COG5: variants seen among roughly 807,000 people sequenced by gnomAD.
COG5 encodes the protein component of oligomeric golgi complex 5, also known as conserved oligomeric Golgi complex subunit 5.
COG5 carries 86 observed loss-of-function variants against 110.4 expected under a neutral mutation model. The ratio of observed to expected loss-of-function variants is 0.78; its 90% CI spans 0.65 to 0.93. The LOEUF (loss-of-function observed/expected upper bound fraction) is 0.93, where lower values mean the gene tolerates loss of function less well. Among genes scored for constraint, COG5 ranks in the 40% least tolerant of loss-of-function variants. The probability of loss-of-function intolerance (pLI) is 0.00; values close to 1 mark genes in which losing one functional copy is unlikely to be tolerated. For synonymous variants in COG5, 360 were observed against 334.6 expected (o/e 1.08, Z -0.83); for missense variants, 1,077 against 987.0 (o/e 1.09, Z -1.22).
At chr7:107,404,652 G>A (rs1368956584) in intron 7 of COG5, among the ~76,000 whole-genome samples, 1 of 152,026 alleles carries the variant, frequency 6.6e-6, no homozygotes, top group East Asian at 1.9e-4. Flanking sequence ...AGCATAAAAT[G>A]TGCACGTTTA....
At chr7:107,543,803 C>A (rs1008592787) in intron 5 of COG5, among the ~76,000 whole-genome samples, 1 of 152,228 alleles carries the variant, frequency 6.6e-6, no homozygotes, top group East Asian at 1.9e-4. Context: ...GCCCCTGTGG[C>A]CCCACACTCC....
intron 19 of COG5, among the ~76,000 whole-genome samples, chr7:107,228,254 T>C (rs990649895): frequency 7.1e-6 from 1 of 139,914 alleles, no homozygotes; most frequent in African/African-American, 2.7e-5. Flanking sequence ...TAAGCTGAGA[T>C]GGAGATCGCA....
chr7:107,326,025 T>C lies in COG5; in HGVS notation c.1027-1504A>G, dbSNP rs117514315. 4.7e-3 allele frequency among the ~76,000 whole-genome samples: 721 copies of C among 152,314 alleles called. 7 individuals carry two copies. Among genetic ancestry groups the C allele is most frequent in the Non-Finnish European group, 7.1e-3 (484 of 68,014 alleles). ...TTCATCATGTTAAGGAAGTATAATATACCACATTAACAGAATGAAGGACTA... is the reference window on the plus strand; with the variant it reads ...TTCATCATGTTAAGGAAGTATAATACACCACATTAACAGAATGAAGGACTA... On this transcript the variant is annotated intron_variant, in intron 10 of 21. Transcript: ENST00000297135.
chr7:107,503,965 A>G (rs912053219), intron 6 of COG5, among the ~76,000 whole-genome samples: 17 of 151,880 alleles, frequency 1.1e-4, no homozygotes, highest in African/African-American at 2.9e-4. Context: ...TCTTTTTCCA[A>G]TTTGGAAGCC....
chr7:107,453,672 A>C (rs1272077116), intron 6 of COG5, among the ~76,000 whole-genome samples: 1 of 152,180 alleles, frequency 6.6e-6, no homozygotes, highest in Admixed American at 6.5e-5. Flanking sequence ...CTTATCTGAA[A>C]TATCTTCATT....
At chr7:107,267,818 G>A (rs1379695194) in intron 14 of COG5, among the ~76,000 whole-genome samples, 1 of 152,156 alleles carries the variant, frequency 6.6e-6, no homozygotes, top group Non-Finnish European at 1.5e-5. Context: ...CACTTTGGGA[G>A]GTTGAGGTGG....
chr7:107,437,785 T>G (rs1042975268), intron 6 of COG5, among the ~76,000 whole-genome samples: 2 of 152,122 alleles, frequency 1.3e-5, no homozygotes, highest in African/African-American at 4.8e-5. Flanking sequence ...ATACTAAGCA[T>G]TTTTTCATTA....
At chr7:107,418,937 G>C (rs1053722293) in intron 6 of COG5, among the ~76,000 whole-genome samples, 5 of 152,056 alleles carry the variant, frequency 3.3e-5, no homozygotes, top group African/African-American at 9.7e-5. Flanking sequence ...ACCATGTCCA[G>C]CTAATTTTTG....
At chr7:107,336,012 C>T (rs955287466) in intron 10 of COG5, among the ~76,000 whole-genome samples, 3 of 152,020 alleles carry the variant, frequency 2.0e-5, no homozygotes, top group African/African-American at 7.2e-5. Context: ...GATAGCAACA[C>T]AATAATAGTA....
chr7:107,561,699 G>C (rs946200228), intron 1 of COG5, among the ~76,000 whole-genome samples: 3 of 152,206 alleles, frequency 2.0e-5, no homozygotes, highest in African/African-American at 7.2e-5. Flanking sequence ...AGACTCGGCC[G>C]GGCGTGGTGG....
At chr7:107,469,477 TTGAA>T (rs762202638) in intron 6 of COG5, among the ~76,000 whole-genome samples, 1 of 152,072 alleles carries the variant, frequency 6.6e-6, no homozygotes, top group Non-Finnish European at 1.5e-5. Flanking sequence ...GATTATTATT[TTGAA>T]TGAATGAATG....
intron 5 of COG5, among the ~76,000 whole-genome samples, chr7:107,534,561 A>G (rs1425799478): frequency 1.3e-5 from 2 of 151,562 alleles, no homozygotes; most frequent in African/African-American, 4.9e-5. Flanking sequence ...CAAAGATCAA[A>G]AAAGACAAAG....
chr7:107,541,517 A>AT (rs1477119174), intron 5 of COG5, among the ~76,000 whole-genome samples: 1 of 96,756 alleles, frequency 1.0e-5, no homozygotes, highest in African/African-American at 3.9e-5. Flanking sequence ...AAAAAAAAAA[A>AT]AAAAAAATAT....
At chr7:107,545,760 A>T (rs1290011012) in intron 5 of COG5, among the ~76,000 whole-genome samples, 2 of 130,850 alleles carry the variant, frequency 1.5e-5, no homozygotes, top group African/African-American at 2.9e-5. Flanking sequence ...ACCCTGGGTG[A>T]GAGAGTGAGA....
intron 6 of COG5, among the ~76,000 whole-genome samples, chr7:107,522,385 T>C (rs1252014697): frequency 6.6e-6 from 1 of 152,100 alleles, no homozygotes. Context: ...AGAGAGTCGC[T>C]TGAACCCAGG....
chr7:107,429,092 C>T (rs1793843956), intron 6 of COG5, among the ~76,000 whole-genome samples: 1 of 152,028 alleles, frequency 6.6e-6, no homozygotes, highest in Non-Finnish European at 1.5e-5. Context: ...ACCTATTGTA[C>T]AATGAAAGAT....
chr7:107,343,043 AGAAT>A (rs1314529374), intron 10 of COG5, among the ~76,000 whole-genome samples: 1 of 152,250 alleles, frequency 6.6e-6, no homozygotes, highest in Non-Finnish European at 1.5e-5. Flanking sequence ...AGCCAAACAA[AGAAT>A]GAAACAATGT....
intron 6 of COG5, among the ~76,000 whole-genome samples, chr7:107,523,011 A>G (rs1342281517): frequency 6.6e-6 from 1 of 152,198 alleles, no homozygotes; most frequent in African/African-American, 2.4e-5. Context: ...CTGAATTTCT[A>G]TATGAATTTT....
At chr7:107,281,817 A>G (rs1805193687) in intron 13 of COG5, among the ~76,000 whole-genome samples, 1 of 152,178 alleles carries the variant, frequency 6.6e-6, no homozygotes, top group Non-Finnish European at 1.5e-5. Flanking sequence ...ATTACACATG[A>G]TATATAAAGA....
Sources: allele counts gnomAD v4.1 joint callset (sites outside exome capture counted in the v4.1 genomes callset), GRCh38; gene constraint gnomAD v4.1.1; transcripts MANE v1.5; gene names NCBI Gene and HGNC (gene_info 2026-07-23, HGNC 2026-07-21).